Variants in NFATC1 observed in about 807,000 individuals in gnomAD.
NFATC1 encodes the protein nuclear factor of activated T cells 1.
NFATC1 carries 22 observed loss-of-function variants against 76.0 expected under a neutral mutation model. That is an observed-to-expected ratio of 0.29 (90% CI 0.21 to 0.41). The LOEUF (loss-of-function observed/expected upper bound fraction) is 0.41. Ranked by LOEUF, NFATC1 falls within the 10% of genes least tolerant of loss-of-function variation. The pLI is 1.00. For synonymous variants in NFATC1, 704 were observed against 613.1 expected (o/e 1.15, Z -2.19); for missense variants, 1,357 against 1,337.7 (o/e 1.01, Z -0.23).
At chr18:79,452,197 A>C (rs941095669) in intron 6 of NFATC1, 1 of 163,918 alleles carries the variant, frequency 6.1e-6, no homozygotes, top group Non-Finnish European at 1.3e-5. Context: ...GCAGGGCAGG[A>C]GGGAGCTCCC....
Position 79,411,310 on chromosome 18 carries a change from AGTGGCGCTCAAG to A in NFATC1, c.1040_1051del (p.Ala347_Val350del), listed in dbSNP as rs758176548. 1 of 1,603,366 alleles carries A rather than the reference AGTGGCGCTCAAG, an allele frequency of 6.2e-7. No individual in the cohort carries two copies. Among genetic ancestry groups the A allele is most frequent in the South Asian group, 1.1e-5 (1 of 90,772 alleles). ...AGACCACCCTGGAGCAGCCGCCCTC[AGTGGCGCTCAAG>A]GTGGAGCCCGTCGGGGAGGACCTGG... On this transcript the variant is annotated inframe_deletion, in exon 2 of 10. Transcript: ENST00000427363.
chr18:79,423,334 C>A (rs1199369205), intron 2 of NFATC1, among the ~76,000 whole-genome samples: 1 of 152,338 alleles, frequency 6.6e-6, no homozygotes, highest in Middle Eastern at 3.4e-3. Context: ...CTGGGCTTAC[C>A]TGGCTGGCAG....
chr18:79,451,171 C>T, intron 5 of NFATC1, 45 bp downstream of exon 5: 1 of 1,577,320 alleles, frequency 6.3e-7, no homozygotes, highest in Non-Finnish European at 8.6e-7. Flanking sequence ...ACCGTCCCGT[C>T]ACATGCGCTT....
At chr18:79,494,999 G>T (rs533538764) in intron 9 of NFATC1, among the ~76,000 whole-genome samples, 52 of 152,304 alleles carry the variant, frequency 3.4e-4, no homozygotes, top group African/African-American at 1.1e-3. Context: ...AACCTGGTGC[G>T]GCCGGGTGAG....
At chr18:79,400,617 G>C in intron 1 of NFATC1, 1 of 761,948 alleles carries the variant, frequency 1.3e-6, no homozygotes. Context: ...GCTACGGCGG[G>C]GGACGCTGCA....
chr18:79,495,536 A>G (rs1458064901), intron 9 of NFATC1, among the ~76,000 whole-genome samples: 1 of 152,232 alleles, frequency 6.6e-6, no homozygotes, highest in East Asian at 1.9e-4. Flanking sequence ...AGAGAGAGAC[A>G]TAGGGACGAG....
At chr18:79,447,209 C>G (rs1056607048) in intron 3 of NFATC1, among the ~76,000 whole-genome samples, 2 of 152,236 alleles carry the variant, frequency 1.3e-5, no homozygotes, top group African/African-American at 4.8e-5. Flanking sequence ...GCCGCCTCTT[C>G]GCCTGCCCGG....
At chr18:79,413,739 G>A (rs1051387901) in intron 2 of NFATC1, among the ~76,000 whole-genome samples, 1 of 152,234 alleles carries the variant, frequency 6.6e-6, no homozygotes, top group Non-Finnish European at 1.5e-5. Context: ...CGTCTCCTGG[G>A]CGGCAAGGTG....
At chr18:79,474,199 CG>C (rs1569005711) in intron 8 of NFATC1, among the ~76,000 whole-genome samples, 8 of 62,328 alleles carry the variant, frequency 1.3e-4, no homozygotes, top group Non-Finnish European at 2.0e-4. Flanking sequence ...CTGAGGGAAG[CG>C]TGTTCTCATG....
chr18:79,448,523 G>A (rs1029582361), intron 3 of NFATC1: 7 of 509,698 alleles, frequency 1.4e-5, no homozygotes, highest in African/African-American at 1.3e-4. Context: ...GCCTCAGAAT[G>A]GGCACACACA....
At chr18:79,482,761 T>G (rs1432712110) in intron 8 of NFATC1, among the ~76,000 whole-genome samples, 3 of 137,160 alleles carry the variant, frequency 2.2e-5, no homozygotes, top group African/African-American at 5.5e-5. Flanking sequence ...CGTGACCTCG[T>G]TCCTGGGGTG....
rs1031606454 is a variant in NFATC1, at chr18:79,400,545, C to T, written c.127+4194C>T. 2.4e-6 allele frequency: 3 copies of T among 1,262,450 alleles called. No homozygotes were observed. In the African/African-American group the frequency reaches 4.7e-5, roughly 20 times the overall value. 78.2% of individuals were successfully genotyped at this position (1,262,450 alleles called of 1,614,324 possible). A position where few individuals can be genotyped will look rare whatever the true frequency, so the allele number is the denominator to read the frequency against. ...TCGGGGTTTGGGGGCGCCCAGGCCCCCTCCGCGTCCTCGTCGCTCCCCGGG... is the reference window on the plus strand; with the variant it reads ...TCGGGGTTTGGGGGCGCCCAGGCCCTCTCCGCGTCCTCGTCGCTCCCCGGG... On this transcript the variant is annotated intron_variant, in intron 1 of 9. Transcript: ENST00000427363.
At chr18:79,472,484 C>A (rs1569003419) in intron 8 of NFATC1, among the ~76,000 whole-genome samples, 1 of 152,244 alleles carries the variant, frequency 6.6e-6, no homozygotes, top group South Asian at 2.1e-4. Flanking sequence ...TTCCAACTCA[C>A]TTTGTCCAAG....
At chr18:79,414,909 C>T (rs1222904062) in intron 2 of NFATC1, among the ~76,000 whole-genome samples, 1 of 152,202 alleles carries the variant, frequency 6.6e-6, no homozygotes, top group Non-Finnish European at 1.5e-5. Context: ...ACGTTGAAGG[C>T]TGTGCGGGTT....
intron 8 of NFATC1, among the ~76,000 whole-genome samples, chr18:79,478,699 C>T (rs1265684389): frequency 6.6e-6 from 1 of 152,206 alleles, no homozygotes; most frequent in Non-Finnish European, 1.5e-5. Context: ...CTGCCTGCGT[C>T]TGTGGCCAGA....
intron 9 of NFATC1, among the ~76,000 whole-genome samples, chr18:79,507,748 CCTT>C (rs2090149594): frequency 6.6e-6 from 1 of 152,256 alleles, no homozygotes; most frequent in Non-Finnish European, 1.5e-5. Flanking sequence ...TAAAGAAAAA[CCTT>C]CTCCCTCGCC....
intron 8 of NFATC1, among the ~76,000 whole-genome samples, chr18:79,471,790 C>T (rs928048793): frequency 6.6e-6 from 1 of 152,242 alleles, no homozygotes; most frequent in Non-Finnish European, 1.5e-5. Flanking sequence ...GTGAAGGTGT[C>T]GGAACAGATC....
At chr18:79,522,996 G>C (rs544142956) in intron 9 of NFATC1, among the ~76,000 whole-genome samples, 250 of 152,340 alleles carry the variant, frequency 1.6e-3, no homozygotes, top group Middle Eastern at 0.014. Context: ...GTAAGGGTCA[G>C]TCCTGCCCTG....
chr18:79,485,302 G>GA (rs1187659918), intron 8 of NFATC1, among the ~76,000 whole-genome samples: 1 of 152,256 alleles, frequency 6.6e-6, no homozygotes, highest in African/African-American at 2.4e-5. Flanking sequence ...CGTCTGTTAG[G>GA]AATGTATGTG....
Sources: allele counts gnomAD v4.1 joint callset (sites outside exome capture counted in the v4.1 genomes callset), GRCh38; gene constraint gnomAD v4.1.1; transcripts MANE v1.5; gene names NCBI Gene and HGNC (gene_info 2026-07-23, HGNC 2026-07-21).